WDSUB1: variants seen among roughly 807,000 people sequenced by gnomAD.
WDSUB1 encodes WD repeat, SAM and U-box domain-containing protein 1.
WDSUB1 carries 49 observed loss-of-function variants against 53.9 expected under a neutral mutation model. The ratio of observed to expected loss-of-function variants is 0.91; its 90% confidence interval spans 0.72 to 1.15. The LOEUF (loss-of-function observed/expected upper bound fraction) is 1.15, where lower values mean the gene tolerates loss of function less well. WDSUB1 is among the 50% of genes most tolerant of loss of function. The pLI is 0.00. For synonymous variants in WDSUB1, 194 were observed against 200.6 expected, an observed-to-expected ratio of 0.97 and a Z score of 0.28; for missense variants, 514 against 562.0, an observed-to-expected ratio of 0.91 and a Z score of 0.86.
At chr2:159,274,584 C>T (rs73967299) in intron 4 of WDSUB1, among the ~76,000 whole-genome samples, 3,097 of 152,206 alleles carry the variant, frequency 0.02, 118 homozygotes, top group African/African-American at 0.071. Flanking sequence ...TTATCCCTGG[C>T]GAAACCTTTC....
chr2:159,275,648 A>G lies in WDSUB1; in HGVS notation c.584-10T>C. On this transcript the variant is annotated splice_polypyrimidine_tract_variant and intron_variant, in intron 3 of 10. Transcript: ENST00000359774. ...AGACCTTGTTCTCCATCTAAAATTT[A>G]TTAAAAATAAATACAGAGAATTTGT... 1.3e-6 allele frequency: 2 copies of G among 1,586,050 alleles called. No homozygotes were observed. The highest frequency in any genetic ancestry group is 1.7e-6 in the Non-Finnish European group (2 of 1,171,212).
rs2060471291 is a variant in WDSUB1, at chr2:159,236,089, G to T, written c.1375C>A (p.Pro459Thr). Reference sequence around the variant, plus strand: ...ATGGCCATTTTCAGAGTCCTATTTGGTGTAAGTACCGCTGAAGGAAGAACA... The same window carrying T: ...ATGGCCATTTTCAGAGTCCTATTTGTTGTAAGTACCGCTGAAGGAAGAACA... ...NLVLPSAVLT[P>T]NRTLKMAINR... is the part of the protein sequence containing the mutation. Residue 459 changes from proline (P) to threonine (T), a missense_variant, in exon 11 of 11, where the codon CCA (proline) becomes ACA (threonine). Coordinates refer to ENST00000359774, the MANE Select transcript of WDSUB1 (RefSeq NM_001128212.3). 10 of 1,613,688 alleles carry T rather than the reference G, an allele frequency of 6.2e-6. No homozygotes were observed. Among genetic ancestry groups the T allele is most frequent in the Non-Finnish European group, 8.5e-6 (10 of 1,179,888 alleles).
At position 159,282,937 on chromosome 2, in the gene WDSUB1, G is replaced by A. The variant is rs1367335457; in HGVS notation, c.133C>T (p.Leu45=). The change falls in exon 2 of 11, where the codon CTG becomes TTG. Residue 45 remains leucine, a synonymous_variant. Coordinates refer to ENST00000359774, the MANE Select transcript of WDSUB1 (RefSeq NM_001128212.3). Reference sequence around the variant, plus strand: ...TGAAACTTCAATGGAGAATGTGGCAGTTCAGTAAAGTCACGTAACGAGTAC... The same window carrying A: ...TGAAACTTCAATGGAGAATGTGGCAATTCAGTAAAGTCACGTAACGAGTAC... ...RLYSLRDFTE[L]PHSPLKFHTY... 2.5e-6 allele frequency: 4 copies of A among 1,614,090 alleles called. No homozygotes were observed. In the South Asian group the frequency reaches 4.4e-5, roughly 18 times the overall value.
intron 2 of WDSUB1, among the ~76,000 whole-genome samples, chr2:159,280,690 CAAA>C (rs58584838): frequency 0.015 from 918 of 59,596 alleles, 82 homozygotes; most frequent in African/African-American, 0.089. Context: ...GACTCCGTCT[CAAA>C]AAAAAAAAAA....
intron 5 of WDSUB1, among the ~76,000 whole-genome samples, chr2:159,261,886 ATATATATATATTTTTTTTTTTTTTT>A (rs1212166015): frequency 1.2e-3 from 18 of 15,334 alleles, no homozygotes; most frequent in Admixed American, 2.3e-3. Context: ...ATATATATAT[ATATATATATATTTTTTTTTTTTTTT>A]TTTTTTTTTT....
intron 9 of WDSUB1, among the ~76,000 whole-genome samples, chr2:159,249,544 A>G (rs2060898372): frequency 6.6e-6 from 1 of 152,206 alleles, no homozygotes; most frequent in African/African-American, 2.4e-5. Context: ...TACATGTCTT[A>G]GGACACCCTG....
intron 5 of WDSUB1, 84 bp downstream of exon 5, chr2:159,271,618 T>C: frequency 1.7e-6 from 2 of 1,179,648 alleles, no homozygotes; most frequent in Non-Finnish European, 1.3e-6. Flanking sequence ...CATCAAGCTA[T>C]TCTTTGAGGT....
At chr2:159,241,759 C>CTA (rs1187040502) in intron 10 of WDSUB1, among the ~76,000 whole-genome samples, 4 of 127,840 alleles carry the variant, frequency 3.1e-5, no homozygotes, top group African/African-American at 1.3e-4. Flanking sequence ...GTCGCCGGGG[C>CTA]TAGAGTGCAG....
At chr2:159,275,262 A>T (rs1178538138) in intron 4 of WDSUB1, among the ~76,000 whole-genome samples, 1 of 152,248 alleles carries the variant, frequency 6.6e-6, no homozygotes, top group African/African-American at 2.4e-5. Context: ...GTAGTGGTAT[A>T]AACAGTGTTT....
chr2:159,241,730 T>TTTTTTTTTTG (rs1575425644), intron 10 of WDSUB1, among the ~76,000 whole-genome samples: 1 of 144,010 alleles, frequency 6.9e-6, no homozygotes, highest in African/African-American at 2.8e-5. Context: ...TTTTTTTTTT[T>TTTTTTTTTTG]GAGATGGAGT....
At chr2:159,258,073 C>A (rs2061108281) in intron 6 of WDSUB1, 88 bp from the exon 7 acceptor site, 3 of 1,131,004 alleles carry the variant, frequency 2.7e-6, no homozygotes, top group Admixed American at 1.9e-5. Flanking sequence ...GGGTTGTATA[C>A]TAAGTGGATA....
At chr2:159,277,013 A>G (rs1159785324) in intron 3 of WDSUB1, among the ~76,000 whole-genome samples, 1 of 152,198 alleles carries the variant, frequency 6.6e-6, no homozygotes, top group African/African-American at 2.4e-5. Context: ...ACCAAAACAG[A>G]AATCTAATAT....
At chr2:159,276,387 G>A (rs2061542538) in intron 3 of WDSUB1, among the ~76,000 whole-genome samples, 1 of 152,094 alleles carries the variant, frequency 6.6e-6, no homozygotes, top group African/African-American at 2.4e-5. Flanking sequence ...TTAAAAGCCT[G>A]ATCTATAGTT....
rs2151023667 is a variant in WDSUB1, at chr2:159,235,933, C to T, written c.*100G>A. 3 of 1,168,192 alleles carry T rather than the reference C, an allele frequency of 2.6e-6. No homozygotes were observed. The highest frequency in any genetic ancestry group is 7.3e-5 in the Admixed American group (2 of 27,266). 72.4% of individuals were successfully genotyped at this position (1,168,192 alleles called of 1,614,324 possible). ...TAGGTAACTAAATTTAAGAAGTTTA[C>T]CTTTTTCCTGTTTTGCTTTTAATAA... On this transcript the variant is annotated 3_prime_UTR_variant, in exon 11 of 11. Coordinates refer to ENST00000359774, the MANE Select transcript of WDSUB1 (RefSeq NM_001128212.3).
intron 4 of WDSUB1, among the ~76,000 whole-genome samples, chr2:159,272,361 A>T (rs140009665): frequency 4.9e-3 from 748 of 152,318 alleles, no homozygotes; most frequent in Non-Finnish European, 7.1e-3. Context: ...GTAGTGACTC[A>T]GGGAAGAGAC....
intron 8 of WDSUB1, 32 bp downstream of exon 8, chr2:159,257,726 T>C (rs2061096517): frequency 1.3e-6 from 2 of 1,580,054 alleles, no homozygotes; most frequent in South Asian, 2.2e-5. Flanking sequence ...TGAGTGGGGT[T>C]GAAATGAGTG....
intron 3 of WDSUB1, among the ~76,000 whole-genome samples, chr2:159,277,942 A>G (rs2061577138): frequency 6.6e-6 from 1 of 152,194 alleles, no homozygotes; most frequent in Non-Finnish European, 1.5e-5. Flanking sequence ...GTATCATTTC[A>G]GAATCTCACC....
At chr2:159,275,909 T>C (rs1410568668) in intron 3 of WDSUB1, among the ~76,000 whole-genome samples, 1 of 152,210 alleles carries the variant, frequency 6.6e-6, no homozygotes. Context: ...AGGACCAATA[T>C]TGAGCCACTC....
Position 159,247,932 on chromosome 2 carries a change from TATATATATATAA to T in WDSUB1, c.1273+428_1273+439del, listed in dbSNP as rs1559532339. On this transcript the variant is annotated intron_variant, in intron 10 of 10. Coordinates refer to ENST00000359774, the MANE Select transcript of WDSUB1 (RefSeq NM_001128212.3). Reference sequence around the variant, plus strand: ...ATAAATATATATATATATATAAATATATATATATATAAAATTTGGATTCACTGATTACAACTA... The same window carrying T: ...ATAAATATATATATATATATAAATATAATTTGGATTCACTGATTACAACTA... Among the ~76,000 whole-genome samples the T allele has an allele frequency of 3.4e-4, 31 of 89,988 alleles. 1 individual carries two copies. The highest frequency in any genetic ancestry group is 6.7e-4 in the African/African-American group (11 of 16,444). 59.0% of individuals were successfully genotyped at this position (89,988 alleles called of 152,430 possible). A position where few individuals can be genotyped will look rare whatever the true frequency, so the allele number is the denominator to read the frequency against.
Sources: gnomAD v4.1 joint callset for allele counts (sites outside exome capture counted in the v4.1 genomes callset) on GRCh38, gnomAD v4.1.1 for gene constraint, MANE v1.5 for transcripts, NCBI Gene and HGNC (gene_info 2026-07-23, HGNC 2026-07-21) for gene names.